Variants in STT3B observed in about 807,000 individuals in gnomAD.
The protein encoded by STT3B is STT3 oligosaccharyltransferase complex catalytic subunit B.
A neutral mutation model predicts 96.8 loss-of-function variants in STT3B; 29 were observed. The observed-to-expected ratio is 0.30, with a 90% CI of 0.22 to 0.41. The LOEUF (loss-of-function observed/expected upper bound fraction) is 0.41. Among genes scored for constraint, STT3B ranks in the 10% least tolerant of loss-of-function variants. The pLI, the probability that STT3B is intolerant of heterozygous loss-of-function variation, is 1.00. For synonymous variants in STT3B, 367 were observed against 360.0 expected, an observed-to-expected ratio of 1.02 and a Z score of -0.22; for missense variants, 640 against 1,022.3, an observed-to-expected ratio of 0.63 and a Z score of 5.10.
intron 4 of STT3B, among the ~76,000 whole-genome samples, chr3:31,598,568 T>A (rs1413964510): frequency 6.6e-6 from 1 of 152,166 alleles, no homozygotes; most frequent in Non-Finnish European, 1.5e-5. Flanking sequence ...TAAAATGAAT[T>A]TATGTGGGTC....
intron 3 of STT3B, among the ~76,000 whole-genome samples, chr3:31,585,805 A>G (rs1698523848): frequency 6.6e-6 from 1 of 151,942 alleles, no homozygotes; most frequent in African/African-American, 2.4e-5. Context: ...CATGTTGTTG[A>G]TGTTTTAGTA....
At chr3:31,562,810 G>A (rs1271436732) in intron 1 of STT3B, among the ~76,000 whole-genome samples, 1 of 152,198 alleles carries the variant, frequency 6.6e-6, no homozygotes, top group African/African-American at 2.4e-5. Context: ...GCAGGATGCA[G>A]TTTAATGGGG....
intron 10 of STT3B, 106 bp downstream of exon 10, chr3:31,622,414 G>C (rs1699449823): frequency 1.0e-6 from 1 of 963,750 alleles, no homozygotes; most frequent in Admixed American, 2.5e-5. Context: ...TGATGATTTG[G>C]ACAAACTGTG....
intron 9 of STT3B, 184 bp downstream of exon 9, chr3:31,620,014 C>T: frequency 7.0e-7 from 1 of 1,435,818 alleles, no homozygotes; most frequent in Non-Finnish European, 9.1e-7. Flanking sequence ...GTGGCACACG[C>T]CTGTAATCCC....
chr3:31,602,241 C>T (rs1308164395), intron 5 of STT3B, among the ~76,000 whole-genome samples: 1 of 151,870 alleles, frequency 6.6e-6, no homozygotes, highest in Non-Finnish European at 1.5e-5. Flanking sequence ...ATTTCTCTAC[C>T]CCAAAAACAC....
At chr3:31,620,274 CAAAAA>C (rs536047611) in intron 9 of STT3B, 34 of 81,074 alleles carry the variant, frequency 4.2e-4, no homozygotes, top group Non-Finnish European at 4.9e-4. Context: ...GACTCTGTCT[CAAAAA>C]AAAAAAAAAA....
At chr3:31,559,764 A>T (rs909100358) in intron 1 of STT3B, among the ~76,000 whole-genome samples, 3 of 152,104 alleles carry the variant, frequency 2.0e-5, no homozygotes, top group African/African-American at 7.2e-5. Context: ...TACATGATCT[A>T]TCTGATGGTG....
At chr3:31,540,695 A>G (rs1008997067) in intron 1 of STT3B, among the ~76,000 whole-genome samples, 19 of 152,206 alleles carry the variant, frequency 1.2e-4, no homozygotes, top group South Asian at 2.1e-4. Flanking sequence ...ATATACATAT[A>G]TATACAAATA....
intron 1 of STT3B, 166 bp downstream of exon 1, chr3:31,533,478 C>G (rs1354074540): frequency 1.2e-6 from 1 of 866,388 alleles, no homozygotes; most frequent in Non-Finnish European, 1.5e-6. Context: ...CGCCCCCTGC[C>G]CGTGGGCGAA....
At position 31,565,656 on chromosome 3, in the gene STT3B, T is replaced by G. The variant is rs1234315347; in HGVS notation, c.315-10740T>G. Among the ~76,000 whole-genome samples the G allele has an allele frequency of 2.0e-5, 3 of 152,202 alleles. No individual in the cohort carries two copies. The East Asian group carries it at 5.8e-4, about 29-fold the overall frequency. On this transcript the variant is annotated intron_variant, in intron 1 of 15. Coordinates refer to ENST00000295770, the MANE Select transcript of STT3B (RefSeq NM_178862.3). The stretch of plus-strand genomic sequence containing the variant: ...GGGACTACTTGGCTTTGTTTCTTTG[T>G]GATAGTCACACTTATTGGAGGATTT...
At chr3:31,562,710 A>G (rs935702534) in intron 1 of STT3B, among the ~76,000 whole-genome samples, 18 of 152,160 alleles carry the variant, frequency 1.2e-4, no homozygotes, top group Non-Finnish European at 2.1e-4. Context: ...AGTGGCTGTA[A>G]GCAATGGAAT....
intron 1 of STT3B, among the ~76,000 whole-genome samples, chr3:31,554,930 T>C (rs893247099): frequency 6.6e-6 from 1 of 152,154 alleles, no homozygotes; most frequent in Non-Finnish European, 1.5e-5. Flanking sequence ...GTATTTGATA[T>C]GTTTGTTGGG....
chr3:31,549,309 CCT>C (rs1216343391), intron 1 of STT3B, among the ~76,000 whole-genome samples: 2 of 150,110 alleles, frequency 1.3e-5, no homozygotes, highest in Non-Finnish European at 3.0e-5. Context: ...TAGCATCCCC[CCT>C]GATTCTCCTG....
rs115121002 is a variant in STT3B at position 31,602,833 on chromosome 3, T to C, written c.877+2374T>C. ...AATTCTCCACTCTACCCAACTTGTT[T>C]CTTTTACTTATAATTATCCAGGAGT... On this transcript the variant is annotated intron_variant, in intron 5 of 15. Coordinates refer to ENST00000295770, the MANE Select transcript of STT3B (RefSeq NM_178862.3). Among the ~76,000 whole-genome samples, 849 of 152,238 alleles carry C rather than the reference T, an allele frequency of 5.6e-3. 10 individuals are homozygous for C. Among genetic ancestry groups the C allele is most frequent in the African/African-American group, 0.019 (790 of 41,556 alleles).
intron 5 of STT3B, among the ~76,000 whole-genome samples, chr3:31,606,213 A>G (rs973227356): frequency 6.6e-6 from 1 of 152,206 alleles, no homozygotes; most frequent in East Asian, 1.9e-4. Flanking sequence ...TGACAATGCA[A>G]TAGAAAAGCA....
chr3:31,572,510 T>C (rs1176723731), intron 1 of STT3B, among the ~76,000 whole-genome samples: 2 of 152,136 alleles, frequency 1.3e-5, no homozygotes, highest in Non-Finnish European at 2.9e-5. Context: ...ATTGAAACAA[T>C]GTAATTGTTC....
At chr3:31,576,578 T>C in intron 2 of STT3B, 74 bp downstream of exon 2, 1 of 881,256 alleles carries the variant, frequency 1.1e-6, no homozygotes. Context: ...ATTGCCAAGG[T>C]GGTAGGGATT....
intron 3 of STT3B, among the ~76,000 whole-genome samples, chr3:31,586,748 A>G (rs1430549608): frequency 6.6e-6 from 1 of 152,160 alleles, no homozygotes; most frequent in East Asian, 1.9e-4. Flanking sequence ...CTATATAACA[A>G]TACCTTATGT....
Position 31,626,145 on chromosome 3 carries a change from T to G in STT3B, c.2073+18T>G. 1 of 1,605,862 alleles carries G rather than the reference T, an allele frequency of 6.2e-7. No homozygotes were observed. The highest frequency in any genetic ancestry group is 2.2e-5 in the East Asian group (1 of 44,688). On this transcript the variant is annotated intron_variant, in intron 13 of 15. Transcript: ENST00000295770. ...ACATTCGGGTAAGAAACTAGATAATTCCAGGTATGTGAAAGATAGCTCACT... is the reference window on the plus strand; with the variant it reads ...ACATTCGGGTAAGAAACTAGATAATGCCAGGTATGTGAAAGATAGCTCACT...
Sources: gnomAD v4.1 joint callset for allele counts (sites outside exome capture counted in the v4.1 genomes callset) on GRCh38, gnomAD v4.1.1 for gene constraint, MANE v1.5 for transcripts, NCBI Gene and HGNC (gene_info 2026-07-23, HGNC 2026-07-21) for gene names.